The following PIK3R5 variants were observed in gnomAD, a reference collection of about 807,000 sequenced individuals.
PIK3R5 encodes the protein phosphoinositide 3-kinase regulatory subunit 5.
Under a neutral mutation model 94.9 loss-of-function variants are expected in PIK3R5, and 32 were observed. The observed-to-expected ratio is 0.34, with a 90% CI of 0.25 to 0.45. The LOEUF (loss-of-function observed/expected upper bound fraction) is 0.45. PIK3R5 is among the 20% of genes least tolerant of loss of function. The pLI is 1.00. For synonymous variants in PIK3R5, 443 were observed against 479.4 expected (o/e 0.92, Z 0.99); for missense variants, 853 against 1,144.6 (o/e 0.75, Z 3.68).
chr17:8,897,943 G>A (rs988489261), intron 5 of PIK3R5, among the ~76,000 whole-genome samples: 1 of 151,806 alleles, frequency 6.6e-6, no homozygotes, highest in African/African-American at 2.4e-5. Flanking sequence ...GTGTGTGTGT[G>A]GTGTGTGTGT....
chr17:8,913,915 C>T (rs1026010776), intron 1 of PIK3R5, among the ~76,000 whole-genome samples: 1 of 152,198 alleles, frequency 6.6e-6, no homozygotes, highest in Non-Finnish European at 1.5e-5. Context: ...CAGACCCCTC[C>T]CTGACCTGGG....
Position 8,904,916 on chromosome 17 carries a change from C to A in PIK3R5, c.274-1G>T. ...CCGAGTCTGGTGGGAAGTGTGGTGT[C>A]TAGGATGGAGGCAGGCAACAAGCAA... On this transcript the variant is annotated splice_acceptor_variant, in intron 4 of 18. Coordinates refer to ENST00000447110, the MANE Select transcript of PIK3R5 (RefSeq NM_001142633.3). LOFTEE classifies it high-confidence loss of function. The surrounding 1 kb of genome is among the most constrained non-coding windows in gnomAD (Gnocchi z 5.1). 6.2e-7 allele frequency: 1 copy of A among 1,612,284 alleles called. No homozygotes were observed. The highest frequency in any genetic ancestry group is 8.5e-7 in the Non-Finnish European group (1 of 1,179,990).
At chr17:8,928,799 T>A (rs1041204510) in intron 1 of PIK3R5, among the ~76,000 whole-genome samples, 1 of 152,012 alleles carries the variant, frequency 6.6e-6, no homozygotes, top group Admixed American at 6.6e-5. Flanking sequence ...AAGAAAGAAA[T>A]CTTGGAACAT....
chr17:8,899,952 C>A (rs1243101703), intron 5 of PIK3R5, among the ~76,000 whole-genome samples: 1 of 151,970 alleles, frequency 6.6e-6, no homozygotes, highest in Non-Finnish European at 1.5e-5. Context: ...GCAGAAGAAT[C>A]GCTTGAACCC....
At chr17:8,901,841 A>G (rs1382411256) in intron 5 of PIK3R5, among the ~76,000 whole-genome samples, 4 of 152,180 alleles carry the variant, frequency 2.6e-5, no homozygotes, top group Admixed American at 2.6e-4. Context: ...AACCATGTTC[A>G]ATATTTAGGT....
At position 8,904,694 on chromosome 17, in the gene PIK3R5, G is replaced by A. The variant is rs1015395302; in HGVS notation, c.412+83C>T. On this transcript the variant is annotated intron_variant, in intron 5 of 18. Coordinates refer to ENST00000447110, the MANE Select transcript of PIK3R5 (RefSeq NM_001142633.3). The surrounding 1 kb of genome is among the most constrained non-coding windows in gnomAD (Gnocchi z 5.1). ...AATCAAAGGATGCAAGGTAAGGAGGGTCACAAAAAACAGTTTCAGAGGAGT... is the reference window on the plus strand; with the variant it reads ...AATCAAAGGATGCAAGGTAAGGAGGATCACAAAAAACAGTTTCAGAGGAGT... 9.2e-6 allele frequency: 13 copies of A among 1,413,524 alleles called. No individual in the cohort carries two copies. Among genetic ancestry groups the A allele is most frequent in the Admixed American group, 1.8e-5 (1 of 54,760 alleles). The allele number at this position is 1,413,524 out of a possible 1,614,324, so 87.6% of individuals were successfully genotyped here.
chr17:8,936,185 C>T (rs1013206883), intron 1 of PIK3R5, among the ~76,000 whole-genome samples: 7 of 152,184 alleles, frequency 4.6e-5, no homozygotes, highest in Non-Finnish European at 1.0e-4. Context: ...CTTCCTCCTC[C>T]CACCCACAGT....
chr17:8,954,274 T>C (rs1346992774), intron 1 of PIK3R5, among the ~76,000 whole-genome samples: 1 of 152,208 alleles, frequency 6.6e-6, no homozygotes, highest in East Asian at 1.9e-4. Flanking sequence ...CAGTTAGTAA[T>C]ACTTTAATTT....
intron 1 of PIK3R5, among the ~76,000 whole-genome samples, chr17:8,921,074 C>T (rs1454488515): frequency 6.6e-6 from 1 of 152,124 alleles, no homozygotes; most frequent in Non-Finnish European, 1.5e-5. Context: ...CTCCTGACCT[C>T]AGGTGATCCA....
At chr17:8,949,796 G>A (rs867562229) in intron 1 of PIK3R5, among the ~76,000 whole-genome samples, 2 of 152,174 alleles carry the variant, frequency 1.3e-5, no homozygotes, top group African/African-American at 2.4e-5. Context: ...GGGATAAAAG[G>A]CTACACATTA....
rs1383049855 is a variant in PIK3R5, at chr17:8,943,840, C to T, written c.-14+21756G>A. On this transcript the variant is annotated intron_variant, in intron 1 of 18. Coordinates refer to ENST00000447110, the MANE Select transcript of PIK3R5 (RefSeq NM_001142633.3). ...AACCTGACCACACCTGGCAAATTGA[C>T]AATAATTCTGAAACATTGTCTGCTG... 2.7e-5 allele frequency among the ~76,000 whole-genome samples: 4 copies of T among 150,346 alleles called. No individual in the cohort carries two copies. In the East Asian group the frequency reaches 5.8e-4, roughly 22 times the overall value.
At chr17:8,905,869 AT>A in intron 3 of PIK3R5, 132 bp from the exon 4 acceptor site, 2 of 456,190 alleles carry the variant, frequency 4.4e-6, no homozygotes, top group Non-Finnish European at 7.7e-6. Flanking sequence ...GTGCAATCAC[AT>A]GACAAACATT....
intron 1 of PIK3R5, among the ~76,000 whole-genome samples, chr17:8,929,297 G>T (rs1567660596): frequency 6.6e-6 from 1 of 152,080 alleles, no homozygotes; most frequent in African/African-American, 2.4e-5. Flanking sequence ...CCAACCATTT[G>T]CTGTCTACAA....
Position 8,911,521 on chromosome 17 carries a change from A to G in PIK3R5, c.-13-14T>C. On this transcript the variant is annotated splice_polypyrimidine_tract_variant and intron_variant, in intron 1 of 18. Transcript: ENST00000447110. This position sits in a 1 kb window ranked among gnomAD's most constrained non-coding sequence, Gnocchi z 5.3. ...CTGGGTCATCGCCTGCATGGGGGACAGACGCCGGTCAGCTTGTCGAGCTCC... is the reference window on the plus strand; with the variant it reads ...CTGGGTCATCGCCTGCATGGGGGACGGACGCCGGTCAGCTTGTCGAGCTCC... 1 of 1,541,482 alleles carries G rather than the reference A, an allele frequency of 6.5e-7. No homozygotes were observed.
At chr17:8,920,850 T>C (rs1357065769) in intron 1 of PIK3R5, among the ~76,000 whole-genome samples, 1 of 150,188 alleles carries the variant, frequency 6.7e-6, no homozygotes, top group South Asian at 2.1e-4. Flanking sequence ...TTTTCTTTTT[T>C]TTTTTTTTGA....
At chr17:8,931,486 T>A (rs2090986511) in intron 1 of PIK3R5, among the ~76,000 whole-genome samples, 1 of 152,172 alleles carries the variant, frequency 6.6e-6, no homozygotes, top group Non-Finnish European at 1.5e-5. Flanking sequence ...GGGAGCCTCT[T>A]GATTTCGCTG....
At chr17:8,934,114 C>G (rs993976642) in intron 1 of PIK3R5, among the ~76,000 whole-genome samples, 3 of 152,108 alleles carry the variant, frequency 2.0e-5, no homozygotes, top group Non-Finnish European at 2.9e-5. Flanking sequence ...GGAAAAAACA[C>G]GTATATATCA....
In PIK3R5 at chr17:8,887,541, G is replaced by A; in HGVS notation, c.1759C>T (p.Pro587Ser). 6.2e-7 allele frequency: 1 copy of A among 1,607,730 alleles called. No homozygotes were observed. The highest frequency in any genetic ancestry group is 8.5e-7 in the Non-Finnish European group (1 of 1,177,348). The part of the protein sequence containing the change: ...SQTPSPPTDS[P>S]RHASPGELGT... ...CATACTCCAGGGCTGGCGTGCCTAG[G>A]GGAGTCTGTCGGGGGTGAGGGCGTC... Residue 587 changes from proline (P) to serine (S), a missense_variant, in exon 11 of 19, where the codon CCT (proline) becomes TCT (serine). Transcript: ENST00000447110.
At chr17:8,901,950 T>C (rs544047558) in intron 5 of PIK3R5, among the ~76,000 whole-genome samples, 2 of 152,276 alleles carry the variant, frequency 1.3e-5, no homozygotes, top group East Asian at 1.9e-4. Flanking sequence ...CAGGATAAAA[T>C]TGAGGAATGG....
Sources: allele counts gnomAD v4.1 joint callset (sites outside exome capture counted in the v4.1 genomes callset), GRCh38; gene constraint gnomAD v4.1.1; non-coding constraint Gnocchi (gnomAD v3.1); transcripts MANE v1.5; gene names NCBI Gene and HGNC (gene_info 2026-07-23, HGNC 2026-07-21).